Variants in ATAD5 observed in about 807,000 individuals in gnomAD.
ATAD5 encodes the protein ATPase family AAA domain containing 5.
ATAD5 carries 58 observed loss-of-function variants against 176.9 expected under a neutral mutation model. The ratio of observed to expected loss-of-function variants is 0.33; its 90% CI spans 0.27 to 0.41. ATAD5 has a LOEUF of 0.41. ATAD5 is among the 10% of genes least tolerant of loss of function. The pLI, the probability that ATAD5 is intolerant of heterozygous loss-of-function variation, is 1.00. For synonymous variants in ATAD5, 640 were observed against 712.6 expected, an observed-to-expected ratio of 0.90 and a Z score of 1.62; for missense variants, 1,789 against 2,094.1, an observed-to-expected ratio of 0.85 and a Z score of 2.84.
At chr17:30,853,345 T>C (rs375798426) in intron 6 of ATAD5, among the ~76,000 whole-genome samples, 18 of 151,880 alleles carry the variant, frequency 1.2e-4, no homozygotes, top group East Asian at 9.6e-4. Context: ...ACATTATATA[T>C]AATATGTATA....
intron 10 of ATAD5, chr17:30,864,190 C>T (rs1907837842): frequency 6.6e-6 from 1 of 152,100 alleles, no homozygotes; most frequent in South Asian, 2.1e-4. Context: ...TTTGTGGTGG[C>T]TCACATCTGT....
rs1426455772 is a variant in ATAD5, at chr17:30,869,230, A to G, written c.3314-18A>G. 3 of 1,589,556 alleles carry G rather than the reference A, an allele frequency of 1.9e-6. No individual in the cohort carries two copies. The highest frequency in any genetic ancestry group is 1.7e-4 in the Middle Eastern group (1 of 5,910). On this transcript the variant is annotated intron_variant, in intron 12 of 22. Coordinates refer to ENST00000321990, the MANE Select transcript of ATAD5 (RefSeq NM_024857.5). ...CCTCAGCAATTGTCATTTTATATGCATTTGAATAATTTTTCAGATTTCTCG... is the reference window on the plus strand; with the variant it reads ...CCTCAGCAATTGTCATTTTATATGCGTTTGAATAATTTTTCAGATTTCTCG...
intron 2 of ATAD5, among the ~76,000 whole-genome samples, chr17:30,836,971 G>C (rs549840294): frequency 1.1e-4 from 17 of 152,020 alleles, no homozygotes; most frequent in Non-Finnish European, 2.4e-4. Flanking sequence ...GTTCTTTGCT[G>C]TCTATCTATC....
chr17:30,888,758 A>G (rs1248406115), intron 19 of ATAD5, among the ~76,000 whole-genome samples: 1 of 152,022 alleles, frequency 6.6e-6, no homozygotes, highest in Admixed American at 6.6e-5. Context: ...AGATGATCTC[A>G]TTGTTTAATT....
intron 1 of ATAD5, among the ~76,000 whole-genome samples, chr17:30,833,013 G>A (rs770564930): frequency 6.6e-6 from 1 of 152,194 alleles, no homozygotes; most frequent in Non-Finnish European, 1.5e-5. Context: ...TAGTGGGCTA[G>A]CATCTTAAGG....
At chr17:30,871,678 C>A (rs1186930573) in intron 14 of ATAD5, among the ~76,000 whole-genome samples, 2 of 151,982 alleles carry the variant, frequency 1.3e-5, no homozygotes, top group Non-Finnish European at 2.9e-5. Context: ...GTTGTTTTTT[C>A]AATTGATTGA....
rs775973673 is a variant in ATAD5 at position 30,858,336 on chromosome 17, T to A, written c.2956+13T>A. 3 of 1,423,992 alleles carry A rather than the reference T, an allele frequency of 2.1e-6. No homozygotes were observed. The highest frequency in any genetic ancestry group is 2.8e-6 in the Non-Finnish European group (3 of 1,077,362). The allele number at this position is 1,423,992 out of a possible 1,614,324, so 88.2% of individuals were successfully genotyped here. ...CATAGTAAACAAGGTTAGTGATAAT[T>A]ATTATCATTTATGTTAACATACCAG... On this transcript the variant is annotated intron_variant, in intron 9 of 22. Coordinates refer to ENST00000321990, the MANE Select transcript of ATAD5 (RefSeq NM_024857.5).
At chr17:30,853,526 C>T (rs1907100333) in intron 6 of ATAD5, among the ~76,000 whole-genome samples, 1 of 152,158 alleles carries the variant, frequency 6.6e-6, no homozygotes, top group African/African-American at 2.4e-5. Flanking sequence ...TAGTATCTAT[C>T]TGGCTTCATA....
chr17:30,858,465 A>T, intron 9 of ATAD5, 142 bp downstream of exon 9: 1 of 477,442 alleles, frequency 2.1e-6, no homozygotes. Context: ...GGCTCACTGC[A>T]ACCTCTGCTT....
chr17:30,848,046 A>G (rs1037467718), intron 6 of ATAD5, among the ~76,000 whole-genome samples: 2 of 152,040 alleles, frequency 1.3e-5, no homozygotes, highest in African/African-American at 4.8e-5. Flanking sequence ...TCTTATACAC[A>G]TGTATGGACA....
At chr17:30,867,056 C>CTTTT (rs60477859) in intron 11 of ATAD5, among the ~76,000 whole-genome samples, 22 of 142,922 alleles carry the variant, frequency 1.5e-4, no homozygotes, top group African/African-American at 5.4e-4. Context: ...TTCCTTCTTT[C>CTTTT]TTTTTTTTTT....
At chr17:30,883,748 A>G (rs1400629354) in intron 18 of ATAD5, among the ~76,000 whole-genome samples, 1 of 151,848 alleles carries the variant, frequency 6.6e-6, no homozygotes, top group Non-Finnish European at 1.5e-5. Flanking sequence ...ATGGGGTTTC[A>G]CCATGTTAGC....
At chr17:30,879,773 A>C (rs961753915) in intron 18 of ATAD5, among the ~76,000 whole-genome samples, 2 of 151,944 alleles carry the variant, frequency 1.3e-5, no homozygotes, top group Non-Finnish European at 2.9e-5. Context: ...CATTTTAGCC[A>C]GGATGGTCTT....
intron 3 of ATAD5, among the ~76,000 whole-genome samples, chr17:30,839,241 AT>A (rs1185369155): frequency 6.6e-6 from 1 of 151,106 alleles, no homozygotes; most frequent in Non-Finnish European, 1.5e-5. Flanking sequence ...TAATAGTTAG[AT>A]TTTTTTCTCT....
In ATAD5 at chr17:30,832,268, G is replaced by C. The variant is rs945590928; in HGVS notation, c.-80G>C. On this transcript the variant is annotated 5_prime_UTR_variant, in exon 1 of 23. Transcript: ENST00000321990. ...CCCAGCAGCTTGCTGCTACTGGAGC[G>C]GGCCGCCTCCATGGCCTCCAGGCAG... 22 of 1,297,660 alleles carry C rather than the reference G, an allele frequency of 1.7e-5. No individual in the cohort carries two copies. Among genetic ancestry groups the C allele is most frequent in the Non-Finnish European group, 2.2e-5 (22 of 992,392 alleles). 80.4% of individuals were successfully genotyped at this position (1,297,660 alleles called of 1,614,324 possible).
chr17:30,844,747 CAA>C (rs569986111), intron 5 of ATAD5, 86 bp from the exon 6 acceptor site: 22,814 of 334,290 alleles, frequency 0.068, 3 homozygotes, highest in Middle Eastern at 0.092. Context: ...GACTCCATCT[CAA>C]AAAAAAAAAA....
intron 10 of ATAD5, chr17:30,862,039 A>T (rs1023934893): frequency 1.3e-5 from 2 of 151,184 alleles, no homozygotes; most frequent in Non-Finnish European, 2.9e-5. Flanking sequence ...AAGTAAAAAA[A>T]AAAGTAACAC....
chr17:30,845,066 T>C, intron 6 of ATAD5, 150 bp downstream of exon 6: 1 of 724,434 alleles, frequency 1.4e-6, no homozygotes, highest in Non-Finnish European at 2.2e-6. Context: ...GTGCTGCAAC[T>C]GCTATTTGAA....
chr17:30,877,609 A>T, intron 16 of ATAD5, 60 bp downstream of exon 16: 2 of 1,497,322 alleles, frequency 1.3e-6, no homozygotes, highest in Non-Finnish European at 1.8e-6. Context: ...TTTAAAGAAT[A>T]CTGTATGTTT....
Sources: allele counts gnomAD v4.1 joint callset (sites outside exome capture counted in the v4.1 genomes callset), GRCh38; gene constraint gnomAD v4.1.1; transcripts MANE v1.5; gene names NCBI Gene and HGNC (gene_info 2026-07-23, HGNC 2026-07-21).